AFDN: variants seen among roughly 807,000 people sequenced by gnomAD.
AFDN encodes the protein afadin.
A neutral mutation model predicts 216.6 loss-of-function variants in AFDN; 68 were observed. The observed-to-expected ratio is 0.31, with a 90% CI of 0.26 to 0.38. The LOEUF is 0.38. Among genes scored for constraint, AFDN ranks in the 10% least tolerant of loss-of-function variants. The pLI, the probability that AFDN is intolerant of heterozygous loss-of-function variation, is 1.00. For missense variants in AFDN, 2,136 were observed against 2,342.0 expected (o/e 0.91, Z 1.82); for synonymous variants, 868 against 853.7 (o/e 1.02, Z -0.29).
At position 167,864,763 on chromosome 6, in the gene AFDN, A is replaced by C. The variant is rs113386737; in HGVS notation, c.301+17A>C. The C allele has an allele frequency of 6.2e-7, 1 of 1,612,988 alleles. No individual in the cohort carries two copies. The highest frequency in any genetic ancestry group is 1.1e-5 in the South Asian group (1 of 91,010). On this transcript the variant is annotated intron_variant, in intron 2 of 33. Transcript: ENST00000683244. The stretch of plus-strand genomic sequence containing the variant: ...TCAGCGGAGGTCAGTGTATACAGGA[A>C]GGGTTTGCTAGAGGCATGACCTGAC...
intron 1 of AFDN, among the ~76,000 whole-genome samples, chr6:167,856,153 C>T (rs1782872820): frequency 6.6e-6 from 1 of 152,114 alleles, no homozygotes; most frequent in Non-Finnish European, 1.5e-5. Flanking sequence ...GCTGCGCTGC[C>T]ACAGAACTTG....
chr6:167,946,655 C>T (rs1795297484), intron 26 of AFDN, 52 bp from the exon 27 acceptor site: 2 of 1,455,964 alleles, frequency 1.4e-6, no homozygotes, highest in Non-Finnish European at 1.9e-6. Context: ...TAATGATAAT[C>T]AGGGTGTTGA....
chr6:167,942,549 G>A (rs935705186), intron 23 of AFDN, among the ~76,000 whole-genome samples: 1 of 152,086 alleles, frequency 6.6e-6, no homozygotes, highest in African/African-American at 2.4e-5. Context: ...ATTATATATA[G>A]AACTTAAGTC....
intron 1 of AFDN, among the ~76,000 whole-genome samples, chr6:167,837,566 A>T (rs969617155): frequency 1.3e-5 from 2 of 152,350 alleles, no homozygotes; most frequent in East Asian, 3.9e-4. Context: ...ATTGTAATAC[A>T]TCACATGTAG....
chr6:167,833,379 A>T (rs760255955), intron 1 of AFDN, among the ~76,000 whole-genome samples: 17 of 152,170 alleles, frequency 1.1e-4, no homozygotes, highest in Non-Finnish European at 2.1e-4. Flanking sequence ...CGTGAAAAAA[A>T]TGCTCATTTG....
chr6:167,920,942 A>G (rs577312162), intron 21 of AFDN, among the ~76,000 whole-genome samples: 10 of 152,046 alleles, frequency 6.6e-5, no homozygotes, highest in East Asian at 3.9e-4. Context: ...ACTTGCTTCT[A>G]TTTTTGCACT....
chr6:167,945,231 C>T (rs1055576903), intron 26 of AFDN, among the ~76,000 whole-genome samples: 7 of 151,794 alleles, frequency 4.6e-5, no homozygotes, highest in African/African-American at 1.5e-4. Context: ...ACATTAGCTT[C>T]GGCCTGCACA....
chr6:167,947,681 T>A (rs1795479627), intron 27 of AFDN, among the ~76,000 whole-genome samples, 172 bp from the exon 28 acceptor site: 1 of 152,098 alleles, frequency 6.6e-6, no homozygotes, highest in South Asian at 2.1e-4. Flanking sequence ...AAAAGATGGA[T>A]GTGGATATGA....
chr6:167,902,644 A>G (rs1789135248), intron 12 of AFDN, among the ~76,000 whole-genome samples: 1 of 152,348 alleles, frequency 6.6e-6, no homozygotes, highest in Non-Finnish European at 1.5e-5. Context: ...ATAAAATGGA[A>G]CAATATATAT....
intron 12 of AFDN, among the ~76,000 whole-genome samples, chr6:167,906,106 A>G (rs1364660546): frequency 3.9e-5 from 6 of 152,168 alleles, no homozygotes; most frequent in Non-Finnish European, 7.4e-5. Flanking sequence ...CCGTCCCAAG[A>G]AAAAAAACCA....
At chr6:167,893,927 A>G (rs1787918909) in intron 9 of AFDN, 21 bp downstream of exon 9, 1 of 1,533,708 alleles carries the variant, frequency 6.5e-7, no homozygotes, top group Non-Finnish European at 8.9e-7. Context: ...GCTTACTACT[A>G]CTTTTATAAC....
At chr6:167,944,843 T>C (rs957913620) in intron 26 of AFDN, among the ~76,000 whole-genome samples, 2 of 151,216 alleles carry the variant, frequency 1.3e-5, no homozygotes, top group African/African-American at 2.4e-5. Flanking sequence ...TAACCCTGAG[T>C]GGAGCTTGTA....
intron 12 of AFDN, among the ~76,000 whole-genome samples, chr6:167,903,233 A>C (rs951606121): frequency 2.6e-5 from 4 of 152,190 alleles, no homozygotes; most frequent in African/African-American, 9.7e-5. Flanking sequence ...ACCATTGTGC[A>C]ATCTGGTTTG....
At chr6:167,957,723 C>T (rs576210082) in intron 30 of AFDN, among the ~76,000 whole-genome samples, 3 of 152,288 alleles carry the variant, frequency 2.0e-5, no homozygotes, top group South Asian at 2.1e-4. Context: ...CTTGAGTAGC[C>T]GGTTAGTTAG....
intron 32 of AFDN, among the ~76,000 whole-genome samples, chr6:167,967,142 A>G (rs1797650234): frequency 6.6e-6 from 1 of 152,224 alleles, no homozygotes; most frequent in Non-Finnish European, 1.5e-5. Context: ...CTTACCTTAA[A>G]TGAAACTGGA....
chr6:167,902,429 G>C, intron 12 of AFDN, 43 bp downstream of exon 12: 1 of 1,410,206 alleles, frequency 7.1e-7, no homozygotes, highest in Non-Finnish European at 1.0e-6. Context: ...GCTTGCTATA[G>C]GACACCATGG....
rs1369810755 is a variant in AFDN at position 167,944,204 on chromosome 6, G to A, written c.3358+145G>A. On this transcript the variant is annotated intron_variant, in intron 26 of 33. Transcript: ENST00000683244. ...GAGGATGAGAGCGCTTCAGCATAGT[G>A]CCTGGGATTCCCATGTGAACCTTCT... is the stretch of plus-strand genomic sequence containing the variant. The A allele has an allele frequency of 6.8e-6, 4 of 588,448 alleles. No homozygotes were observed. In the Admixed American group the frequency reaches 9.1e-5, roughly 13 times the overall value. The allele number at this position is 588,448 out of a possible 1,614,324, so 36.5% of individuals were successfully genotyped here.
intron 23 of AFDN, among the ~76,000 whole-genome samples, chr6:167,934,680 C>T (rs1365684373): frequency 6.6e-6 from 1 of 152,060 alleles, no homozygotes; most frequent in Non-Finnish European, 1.5e-5. Flanking sequence ...ATGATTTGGC[C>T]AGCATATCTT....
intron 12 of AFDN, among the ~76,000 whole-genome samples, chr6:167,904,718 A>G (rs1386458293): frequency 6.6e-6 from 1 of 152,096 alleles, no homozygotes; most frequent in East Asian, 1.9e-4. Flanking sequence ...TCCTTCTCTC[A>G]GCCTCTGCAT....
Sources: gnomAD v4.1 joint callset for allele counts (sites outside exome capture counted in the v4.1 genomes callset) on GRCh38, gnomAD v4.1.1 for gene constraint, MANE v1.5 for transcripts, NCBI Gene and HGNC (gene_info 2026-07-23, HGNC 2026-07-21) for gene names.